Variants in SIK3 observed in about 807,000 individuals in gnomAD.
SIK3 encodes serine/threonine-protein kinase SIK3.
SIK3 carries 28 observed loss-of-function variants against 144.2 expected under a neutral mutation model. The ratio of observed to expected loss-of-function variants is 0.19; its 90% CI spans 0.14 to 0.27. SIK3 has a LOEUF of 0.27. SIK3 is among the 10% of genes least tolerant of loss of function. The probability of loss-of-function intolerance (pLI) is 1.00; values close to 1 mark genes in which losing one functional copy is unlikely to be tolerated. For missense variants in SIK3, 1,319 were observed against 1,776.0 expected (o/e 0.74, Z 4.62); for synonymous variants, 686 against 676.3 (o/e 1.01, Z -0.22).
At chr11:116,942,825 A>C (rs969849906) in intron 3 of SIK3, among the ~76,000 whole-genome samples, 1 of 152,254 alleles carries the variant, frequency 6.6e-6, no homozygotes, top group African/African-American at 2.4e-5. Context: ...TATAGGCTAT[A>C]GTAGGAATTA....
intron 1 of SIK3, among the ~76,000 whole-genome samples, chr11:117,087,452 TTAG>T (rs1180222275): frequency 6.6e-6 from 1 of 151,768 alleles, no homozygotes; most frequent in African/African-American, 2.4e-5. Context: ...CAAAAAAAGG[TTAG>T]ATTTACACTT....
chr11:116,871,441 T>A (rs1376223250), intron 13 of SIK3, among the ~76,000 whole-genome samples: 1 of 152,222 alleles, frequency 6.6e-6, no homozygotes, highest in Non-Finnish European at 1.5e-5. Flanking sequence ...CTGTGGCCAG[T>A]GACAAATGGT....
intron 6 of SIK3, among the ~76,000 whole-genome samples, chr11:116,880,872 C>T (rs962539316): frequency 1.3e-5 from 2 of 152,154 alleles, no homozygotes; most frequent in Admixed American, 1.3e-4. Flanking sequence ...GTCTGTAATC[C>T]CAGCACTTTG....
intron 3 of SIK3, among the ~76,000 whole-genome samples, chr11:116,929,673 A>G (rs1194099454): frequency 6.6e-6 from 1 of 152,238 alleles, no homozygotes; most frequent in Non-Finnish European, 1.5e-5. Context: ...TCTAAATACA[A>G]GTAAACTCTG....
intron 1 of SIK3, among the ~76,000 whole-genome samples, chr11:116,965,930 G>A (rs1949531520): frequency 6.8e-6 from 1 of 146,714 alleles, no homozygotes; most frequent in East Asian, 2.0e-4. Context: ...GCAAGACTCC[G>A]TCTCAAAAAA....
chr11:116,892,564 C>A (rs544651345), intron 6 of SIK3, among the ~76,000 whole-genome samples: 63 of 152,266 alleles, frequency 4.1e-4, no homozygotes, highest in Non-Finnish European at 5.9e-5. Flanking sequence ...AATGCTGACA[C>A]CACCAAATGC....
intron 21 of SIK3, among the ~76,000 whole-genome samples, chr11:116,850,562 T>G (rs1407489937): frequency 6.6e-6 from 1 of 152,252 alleles, no homozygotes; most frequent in African/African-American, 2.4e-5. Context: ...CTCTGATTGC[T>G]CTAACATTAT....
intron 1 of SIK3, among the ~76,000 whole-genome samples, chr11:117,006,860 G>A (rs1461587428): frequency 6.6e-6 from 1 of 152,014 alleles, no homozygotes; most frequent in African/African-American, 2.4e-5. Flanking sequence ...AAAGCCCTTG[G>A]CCCAGATTAA....
intron 1 of SIK3, among the ~76,000 whole-genome samples, chr11:116,988,538 T>C (rs1950398985): frequency 6.6e-6 from 1 of 152,120 alleles, no homozygotes; most frequent in Non-Finnish European, 1.5e-5. Flanking sequence ...CCCAGCACTT[T>C]GGGATGCCGA....
chr11:117,020,236 C>CATATATATATATATATAT (rs754633188), intron 1 of SIK3, among the ~76,000 whole-genome samples: 27 of 122,294 alleles, frequency 2.2e-4, no homozygotes, highest in African/African-American at 6.6e-4. Context: ...TGTATATGTG[C>CATATATATATATATATAT]ATATATATAT....
chr11:117,027,383 C>G (rs1012900628), intron 1 of SIK3, among the ~76,000 whole-genome samples: 9 of 152,154 alleles, frequency 5.9e-5, no homozygotes, highest in African/African-American at 1.9e-4. Context: ...ATTTCACATC[C>G]TAGACCATAA....
intron 4 of SIK3, among the ~76,000 whole-genome samples, chr11:116,915,634 G>A (rs1565446966): frequency 6.6e-6 from 1 of 152,102 alleles, no homozygotes; most frequent in South Asian, 2.1e-4. Flanking sequence ...CATATTTTGT[G>A]TGTATGTATG....
chr11:116,897,771 T>C lies in SIK3; in HGVS notation c.617-454A>G, dbSNP rs1365030189. 2.6e-5 allele frequency among the ~76,000 whole-genome samples: 4 copies of C among 152,094 alleles called. No individual in the cohort carries two copies. The South Asian group carries it at 6.2e-4, about 24-fold the overall frequency. ...GGTGGCGTGCGCCTGTAGTCCCAGG[T>C]ACTCGGGAGGCTGAGGCAGGGGAAT... On this transcript the variant is annotated intron_variant, in intron 4 of 24. Transcript: ENST00000445177.
chr11:116,923,532 A>G (rs1311521120), intron 4 of SIK3, among the ~76,000 whole-genome samples: 1 of 152,212 alleles, frequency 6.6e-6, no homozygotes, highest in African/African-American at 2.4e-5. Context: ...TGATAATTCT[A>G]TTTAATTTAT....
chr11:116,943,509 T>C (rs1948424005), intron 3 of SIK3, among the ~76,000 whole-genome samples: 1 of 152,180 alleles, frequency 6.6e-6, no homozygotes, highest in South Asian at 2.1e-4. Context: ...CCACTAACAA[T>C]ACTACGCCAT....
chr11:116,872,176 C>A (rs1158545835), intron 13 of SIK3, among the ~76,000 whole-genome samples: 1 of 152,006 alleles, frequency 6.6e-6, no homozygotes, highest in Admixed American at 6.6e-5. Flanking sequence ...GAAAATATTT[C>A]AAGGAAAAAA....
At chr11:116,977,292 A>G (rs1844983302) in intron 1 of SIK3, among the ~76,000 whole-genome samples, 1 of 121,390 alleles carries the variant, frequency 8.2e-6, no homozygotes, top group South Asian at 2.8e-4. Flanking sequence ...TGTTGCCTGG[A>G]ATGGTTTTGA....
chr11:116,947,116 A>T (rs769963620), intron 3 of SIK3, among the ~76,000 whole-genome samples: 35 of 128,546 alleles, frequency 2.7e-4, no homozygotes, highest in Admixed American at 3.9e-4. Context: ...GTCTCAAAAA[A>T]ATATATATAT....
intron 3 of SIK3, among the ~76,000 whole-genome samples, chr11:116,932,422 G>A (rs917486305): frequency 6.6e-6 from 1 of 152,176 alleles, no homozygotes; most frequent in African/African-American, 2.4e-5. Context: ...TGGGTACAAT[G>A]CGTATGTATA....
Sources: allele counts gnomAD v4.1 joint callset (sites outside exome capture counted in the v4.1 genomes callset), GRCh38; gene constraint gnomAD v4.1.1; transcripts MANE v1.5; gene names NCBI Gene and HGNC (gene_info 2026-07-23, HGNC 2026-07-21).